The following CDYL2 variants were observed in gnomAD, a reference collection of about 807,000 sequenced individuals.
CDYL2 encodes chromodomain Y like 2.
CDYL2 carries 23 observed loss-of-function variants against 49.4 expected under a neutral mutation model. The observed-to-expected ratio is 0.47, with a 90% CI of 0.34 to 0.66. CDYL2 has a LOEUF of 0.66. Ranked by LOEUF, CDYL2 falls within the 30% of genes least tolerant of loss-of-function variation. The probability of loss-of-function intolerance (pLI) is 0.01; values close to 1 mark genes in which losing one functional copy is unlikely to be tolerated. For missense variants in CDYL2, 678 were observed against 656.4 expected, an observed-to-expected ratio of 1.03 and a Z score of -0.36; for synonymous variants, 360 against 268.8, an observed-to-expected ratio of 1.34 and a Z score of -3.32.
chr16:80,609,762 G>C (rs1285530351), intron 5 of CDYL2, among the ~76,000 whole-genome samples: 1 of 152,216 alleles, frequency 6.6e-6, no homozygotes, highest in Admixed American at 6.5e-5. Flanking sequence ...TCTTTGAAGA[G>C]AGAACTTAGG....
At chr16:80,632,816 AG>A (rs1184989395) in intron 3 of CDYL2, 3 of 553,898 alleles carry the variant, frequency 5.4e-6, no homozygotes, top group Non-Finnish European at 3.3e-6. Flanking sequence ...ATAAGATGAG[AG>A]GGTATCATTA....
rs1031003109 is a variant in CDYL2 at position 80,786,306 on chromosome 16, T to A, written c.24+17844A>T. ...ACCTCAACAAAAAATGGGCAAAGGA[T>A]ATGAACAGACACTTCTCAAAAGAAG... On this transcript the variant is annotated intron_variant, in intron 1 of 6. Coordinates refer to ENST00000570137, the MANE Select transcript of CDYL2 (RefSeq NM_152342.4). 2.0e-5 allele frequency among the ~76,000 whole-genome samples: 3 copies of A among 152,156 alleles called. 1 individual carries two copies. Among genetic ancestry groups the A allele is most frequent in the Non-Finnish European group, 4.4e-5 (3 of 68,026 alleles).
At chr16:80,710,075 G>A (rs889373185) in intron 1 of CDYL2, among the ~76,000 whole-genome samples, 8 of 152,066 alleles carry the variant, frequency 5.3e-5, no homozygotes, top group African/African-American at 1.4e-4. Context: ...TTACAGGCAC[G>A]TGCCACCACG....
In CDYL2 at chr16:80,603,933, T is replaced by C. The variant is rs1906211588; in HGVS notation, c.*455A>G. ...TGTGCACAATCATTTTGCTCATTGG[T>C]CTGGAAATTCCCTAAGATTGGTCGT... On this transcript the variant is annotated 3_prime_UTR_variant, in exon 7 of 7. Transcript: ENST00000570137. 6.1e-6 allele frequency: 1 copy of C among 163,780 alleles called. No homozygotes were observed. Among genetic ancestry groups the C allele is most frequent in the Admixed American group, 5.8e-5 (1 of 17,158 alleles). The allele number at this position is 163,780 out of a possible 1,614,324, so 10.1% of individuals were successfully genotyped here.
rs930533033 is a variant in CDYL2, at chr16:80,804,179, G to C, written c.-6C>G. 45 of 1,321,896 alleles carry C rather than the reference G, an allele frequency of 3.4e-5. No individual in the cohort carries two copies. Among genetic ancestry groups the C allele is most frequent in the Non-Finnish European group, 3.9e-5 (39 of 1,006,966 alleles). 81.9% of individuals were successfully genotyped at this position (1,321,896 alleles called of 1,614,324 possible). A position where few individuals can be genotyped will look rare whatever the true frequency, so the allele number is the denominator to read the frequency against. On this transcript the variant is annotated 5_prime_UTR_variant, in exon 1 of 7. Transcript: ENST00000570137. ...TAAAGGTCCCCAGAAGCCATGCCAGGCTGCGGAACTTGGCTCGCCGGTGTG... is the reference window on the plus strand; with the variant it reads ...TAAAGGTCCCCAGAAGCCATGCCAGCCTGCGGAACTTGGCTCGCCGGTGTG...
intron 2 of CDYL2, among the ~76,000 whole-genome samples, chr16:80,679,006 G>C (rs1335590452): frequency 6.7e-6 from 1 of 149,656 alleles, no homozygotes; most frequent in Non-Finnish European, 1.5e-5. Flanking sequence ...GTAAACTATC[G>C]CAAGAACAAA....
In CDYL2 at chr16:80,610,842, C is replaced by T. The variant is rs534260537; in HGVS notation, c.1218+1784G>A. Among the ~76,000 whole-genome samples, 4 of 152,260 alleles carry T rather than the reference C, an allele frequency of 2.6e-5. No individual in the cohort carries two copies. In the South Asian group the frequency reaches 8.3e-4, roughly 32 times the overall value. ...TGGCACTTTTGTGGGTCTCCTATGA[C>T]CTATGACATCTGCTGGCAGATGCCC... On this transcript the variant is annotated intron_variant, in intron 5 of 6. Coordinates refer to ENST00000570137, the MANE Select transcript of CDYL2 (RefSeq NM_152342.4).
intron 1 of CDYL2, among the ~76,000 whole-genome samples, chr16:80,690,285 A>T (rs737176): frequency 0.51 from 77,222 of 151,784 alleles, 21,107 homozygotes; most frequent in Middle Eastern, 0.7. Flanking sequence ...ACTGACAGCA[A>T]ACTCAGCCTG....
intron 1 of CDYL2, among the ~76,000 whole-genome samples, chr16:80,692,454 C>G (rs1910455026): frequency 1.3e-5 from 2 of 152,150 alleles, no homozygotes; most frequent in South Asian, 4.1e-4. Context: ...AAAATAGGAA[C>G]TGCCCATTTA....
chr16:80,616,470 C>A (rs1195121375), intron 4 of CDYL2, among the ~76,000 whole-genome samples: 1 of 152,212 alleles, frequency 6.6e-6, no homozygotes, highest in Non-Finnish European at 1.5e-5. Context: ...ATTCTGCTCA[C>A]AGGAGTGCCT....
chr16:80,797,495 T>A (rs1907799956), intron 1 of CDYL2, among the ~76,000 whole-genome samples: 1 of 152,218 alleles, frequency 6.6e-6, no homozygotes, highest in South Asian at 2.1e-4. Context: ...GAAAGCAGGA[T>A]TGTATGGAAC....
chr16:80,742,345 T>C (rs796556304), intron 1 of CDYL2: 14 of 152,238 alleles, frequency 9.2e-5, no homozygotes, highest in African/African-American at 2.9e-4. Flanking sequence ...GATGGATGGA[T>C]GGACTGACAA....
At chr16:80,716,690 G>A (rs1190660830) in intron 1 of CDYL2, among the ~76,000 whole-genome samples, 1 of 151,834 alleles carries the variant, frequency 6.6e-6, no homozygotes, top group South Asian at 2.1e-4. Context: ...ATAACAGAGG[G>A]GTAATTGAAT....
chr16:80,645,068 C>T (rs1908275245), intron 2 of CDYL2, among the ~76,000 whole-genome samples: 1 of 152,164 alleles, frequency 6.6e-6, no homozygotes, highest in Non-Finnish European at 1.5e-5. Context: ...CCATTCAGGA[C>T]ATAGGCATGG....
intron 1 of CDYL2, among the ~76,000 whole-genome samples, chr16:80,770,624 T>G (rs1401021759): frequency 6.6e-6 from 1 of 152,212 alleles, no homozygotes; most frequent in African/African-American, 2.4e-5. Flanking sequence ...GGGGCAGATG[T>G]GCCATAAAAT....
chr16:80,615,507 C>A (rs1324021060), intron 4 of CDYL2, among the ~76,000 whole-genome samples: 1 of 152,042 alleles, frequency 6.6e-6, no homozygotes, highest in African/African-American at 2.4e-5. Context: ...CTCTGCTGGA[C>A]GTTTTTAATA....
chr16:80,750,974 C>T (rs1055646668), intron 1 of CDYL2, among the ~76,000 whole-genome samples: 1 of 151,794 alleles, frequency 6.6e-6, no homozygotes, highest in Non-Finnish European at 1.5e-5. Flanking sequence ...GAGCCAAGAT[C>T]GCACCACTGC....
intron 1 of CDYL2, among the ~76,000 whole-genome samples, chr16:80,717,517 C>T (rs1904851745): frequency 6.6e-6 from 1 of 152,194 alleles, no homozygotes; most frequent in Non-Finnish European, 1.5e-5. Flanking sequence ...CCCCAGTCCT[C>T]TTCCAAAGAT....
In CDYL2 at chr16:80,727,802, A is replaced by C. The variant is rs1597102524; in HGVS notation, c.25-42673T>G. ...GTGGGTCCCTGACCCCTAACCCCCG[A>C]GCAGCCTAACTGAAAGGCACCCCCC... On this transcript the variant is annotated intron_variant, in intron 1 of 6. Coordinates refer to ENST00000570137, the MANE Select transcript of CDYL2 (RefSeq NM_152342.4). Among the ~76,000 whole-genome samples, 3 of 152,320 alleles carry C rather than the reference A, an allele frequency of 2.0e-5. No homozygotes were observed. In the South Asian group the frequency reaches 6.2e-4, roughly 32 times the overall value.
Sources: allele counts gnomAD v4.1 joint callset (sites outside exome capture counted in the v4.1 genomes callset), GRCh38; gene constraint gnomAD v4.1.1; transcripts MANE v1.5; gene names NCBI Gene and HGNC (gene_info 2026-07-23, HGNC 2026-07-21).